AUTS2: variants seen among roughly 807,000 people sequenced by gnomAD.
The protein encoded by AUTS2 is activator of transcription and developmental regulator AUTS2.
AUTS2 carries 17 observed loss-of-function variants against 112.4 expected under a neutral mutation model. The observed-to-expected ratio is 0.15, with a 90% CI of 0.10 to 0.23. AUTS2 has a LOEUF of 0.23. AUTS2 is among the 10% of genes least tolerant of loss of function. AUTS2 has a pLI of 1.00. For synonymous variants in AUTS2, 751 were observed against 702.7 expected, an observed-to-expected ratio of 1.07 and a Z score of -1.09; for missense variants, 1,510 against 1,701.6, an observed-to-expected ratio of 0.89 and a Z score of 1.98.
At chr7:70,335,424 G>A (rs1030494701) in intron 4 of AUTS2, among the ~76,000 whole-genome samples, 3 of 152,140 alleles carry the variant, frequency 2.0e-5, no homozygotes. Flanking sequence ...CCGAAGTAGT[G>A]GGCCCTGACT....
intron 5 of AUTS2, among the ~76,000 whole-genome samples, chr7:70,461,031 AG>A (rs1163764196): frequency 6.6e-6 from 1 of 152,158 alleles, no homozygotes; most frequent in Non-Finnish European, 1.5e-5. Flanking sequence ...TTTGGGTGTC[AG>A]GTCATAAAGG....
chr7:70,416,836 C>T (rs188637060), intron 4 of AUTS2, among the ~76,000 whole-genome samples: 100 of 152,308 alleles, frequency 6.6e-4, no homozygotes, highest in Admixed American at 1.0e-3. Flanking sequence ...CCCCTGCTCC[C>T]CTCCTCTGAC....
intron 1 of AUTS2, among the ~76,000 whole-genome samples, chr7:69,831,981 C>T (rs2129527570): frequency 6.6e-6 from 1 of 152,308 alleles, no homozygotes; most frequent in Non-Finnish European, 1.5e-5. Context: ...AGTAAGTTGG[C>T]TTGGCAGCCC....
At chr7:70,194,821 G>C (rs536498175) in intron 4 of AUTS2, 2 of 152,344 alleles carry the variant, frequency 1.3e-5, no homozygotes, top group South Asian at 4.1e-4. Flanking sequence ...CTTGCCTTAA[G>C]AAGAGAGCTG....
chr7:70,627,755 A>G (rs1046433436), intron 5 of AUTS2, among the ~76,000 whole-genome samples: 6 of 152,264 alleles, frequency 3.9e-5, no homozygotes, highest in African/African-American at 1.4e-4. Flanking sequence ...TTGTTCTCAG[A>G]ATGGCTTATT....
intron 5 of AUTS2, among the ~76,000 whole-genome samples, chr7:70,671,660 C>CG (rs1477366876): frequency 1.3e-5 from 2 of 152,142 alleles, no homozygotes; most frequent in African/African-American, 4.8e-5. Flanking sequence ...AAGTAATAAC[C>CG]CCCCCTATGA....
At chr7:70,776,739 G>A (rs1790721103) in intron 13 of AUTS2, 1 of 345,924 alleles carries the variant, frequency 2.9e-6, no homozygotes, top group Non-Finnish European at 5.5e-6. Context: ...TTATAGCATG[G>A]CAACATTTGT....
At chr7:70,002,302 G>T (rs1253513130) in intron 2 of AUTS2, among the ~76,000 whole-genome samples, 1 of 152,068 alleles carries the variant, frequency 6.6e-6, no homozygotes, top group Middle Eastern at 3.2e-3. Context: ...AAATATAGGC[G>T]GGGTGGCATT....
chr7:70,147,467 A>G (rs1807190771), intron 4 of AUTS2, among the ~76,000 whole-genome samples: 1 of 152,038 alleles, frequency 6.6e-6, no homozygotes, highest in South Asian at 2.1e-4. Flanking sequence ...GAGAATGTTT[A>G]TTTTGCATTG....
chr7:70,698,234 A>G (rs1809237841), intron 5 of AUTS2, among the ~76,000 whole-genome samples: 1 of 152,264 alleles, frequency 6.6e-6, no homozygotes. Context: ...TAACATTTCC[A>G]AAATAATGAT....
intron 4 of AUTS2, among the ~76,000 whole-genome samples, chr7:70,306,614 A>G (rs1413708387): frequency 2.6e-5 from 4 of 152,256 alleles, no homozygotes; most frequent in African/African-American, 9.6e-5. Flanking sequence ...CATTGAGAAG[A>G]TACTGTAAAG....
At chr7:70,658,541 G>C (rs1480762597) in intron 5 of AUTS2, among the ~76,000 whole-genome samples, 1 of 152,210 alleles carries the variant, frequency 6.6e-6, no homozygotes, top group African/African-American at 2.4e-5. Context: ...ACAGACAAGA[G>C]CACAGGCTTC....
intron 4 of AUTS2, among the ~76,000 whole-genome samples, chr7:70,218,258 G>A (rs996304761): frequency 6.6e-6 from 1 of 152,216 alleles, no homozygotes; most frequent in African/African-American, 2.4e-5. Context: ...TTCTGACTTA[G>A]TGCTTTGAAG....
intron 2 of AUTS2, among the ~76,000 whole-genome samples, chr7:69,946,216 T>C (rs1171933116): frequency 2.0e-5 from 3 of 152,152 alleles, no homozygotes; most frequent in African/African-American, 7.2e-5. Context: ...GTCTGACTTC[T>C]TTCACTTAGC....
At chr7:69,976,171 T>G (rs918468022) in intron 2 of AUTS2, among the ~76,000 whole-genome samples, 7 of 152,256 alleles carry the variant, frequency 4.6e-5, no homozygotes, top group African/African-American at 1.4e-4. Context: ...CTTGCTCCTC[T>G]CAGCCCCTGG....
chr7:70,157,870 T>G (rs1356408323), intron 4 of AUTS2, among the ~76,000 whole-genome samples: 1 of 152,194 alleles, frequency 6.6e-6, no homozygotes, highest in African/African-American at 2.4e-5. Flanking sequence ...CCTTAATAAG[T>G]TCATGGCCTT....
intron 5 of AUTS2, among the ~76,000 whole-genome samples, chr7:70,664,619 G>C (rs912214452): frequency 4.6e-5 from 7 of 152,182 alleles, no homozygotes; most frequent in African/African-American, 1.7e-4. Context: ...TTGGAAACAA[G>C]CACTTTCTTC....
At chr7:70,660,071 G>A (rs1333594537) in intron 5 of AUTS2, among the ~76,000 whole-genome samples, 1 of 152,092 alleles carries the variant, frequency 6.6e-6, no homozygotes, top group Non-Finnish European at 1.5e-5. Context: ...CAGCTACTCT[G>A]GAGGCTGAGG....
intron 2 of AUTS2, among the ~76,000 whole-genome samples, chr7:69,912,100 C>T (rs1795383311): frequency 6.6e-6 from 1 of 152,192 alleles, no homozygotes; most frequent in Admixed American, 6.5e-5. Context: ...GCTGAGGTGG[C>T]AGGGGGCTGG....
Sources: allele counts gnomAD v4.1 joint callset (sites outside exome capture counted in the v4.1 genomes callset), GRCh38; gene constraint gnomAD v4.1.1; transcripts MANE v1.5; gene names NCBI Gene and HGNC (gene_info 2026-07-23, HGNC 2026-07-21).